Variants in STIMATE observed in about 807,000 individuals in gnomAD.
STIMATE encodes the protein store-operated calcium entry regulator STIMATE.
STIMATE carries 15 observed loss-of-function variants against 36.7 expected under a neutral mutation model. The ratio of observed to expected loss-of-function variants is 0.41; its 90% CI spans 0.27 to 0.63. The LOEUF (loss-of-function observed/expected upper bound fraction) is 0.63, where lower values mean the gene tolerates loss of function less well. Ranked by LOEUF, STIMATE falls within the 20% of genes least tolerant of loss-of-function variation. The pLI, the probability that STIMATE is intolerant of heterozygous loss-of-function variation, is 0.32. For synonymous variants in STIMATE, 163 were observed against 162.3 expected (o/e 1.00, Z -0.03); for missense variants, 305 against 397.3 (o/e 0.77, Z 1.98).
intron 1 of STIMATE, among the ~76,000 whole-genome samples, chr3:52,877,314 G>C (rs1575344492): frequency 6.6e-6 from 1 of 152,356 alleles, no homozygotes. Flanking sequence ...CTCCAGGCTT[G>C]TGCTCTTGGG....
chr3:52,887,696 C>G (rs1456763073), intron 1 of STIMATE, among the ~76,000 whole-genome samples: 2 of 152,142 alleles, frequency 1.3e-5, no homozygotes, highest in African/African-American at 4.8e-5. Flanking sequence ...CAAACTTCAT[C>G]CGTCACCACA....
chr3:52,845,066 GC>G (rs1167036393), intron 4 of STIMATE, 125 bp from the exon 5 acceptor site: 27 of 863,334 alleles, frequency 3.1e-5, no homozygotes, highest in East Asian at 8.5e-5. Flanking sequence ...TACTTAATGA[GC>G]CCCCCCAAAA....
chr3:52,861,571 C>T (rs545609195), intron 1 of STIMATE, among the ~76,000 whole-genome samples: 28 of 152,292 alleles, frequency 1.8e-4, no homozygotes, highest in Non-Finnish European at 1.0e-4. Flanking sequence ...GCTGCTATGA[C>T]CGGCTAGGCA....
chr3:52,869,340 A>G (rs1701363765), intron 1 of STIMATE, among the ~76,000 whole-genome samples: 1 of 152,216 alleles, frequency 6.6e-6, no homozygotes, highest in Non-Finnish European at 1.5e-5. Context: ...ACATCAGAGG[A>G]CATAATACAG....
At chr3:52,877,211 G>T (rs1225782075) in intron 1 of STIMATE, among the ~76,000 whole-genome samples, 1 of 152,218 alleles carries the variant, frequency 6.6e-6, no homozygotes, top group Non-Finnish European at 1.5e-5. Flanking sequence ...CCAGCCTGAA[G>T]CTGGGAGAGG....
At chr3:52,865,379 A>C (rs1210437882) in intron 1 of STIMATE, among the ~76,000 whole-genome samples, 1 of 152,206 alleles carries the variant, frequency 6.6e-6, no homozygotes, top group Non-Finnish European at 1.5e-5. Context: ...CTTTTCAGCA[A>C]TGCCCCACTC....
chr3:52,842,724 G>A lies in STIMATE; in HGVS notation c.768+87C>T, dbSNP rs995331317. ...TCGCACTGTGACTCTGCACTCAAGG[G>A]AAGAACATACACAGACATGAGACCA... On this transcript the variant is annotated intron_variant, in intron 7 of 7. Transcript: ENST00000355083. 34 of 1,584,836 alleles carry A rather than the reference G, an allele frequency of 2.1e-5. No homozygotes were observed. In the African/African-American group the frequency reaches 3.9e-4, roughly 18 times the overall value.
At chr3:52,867,221 T>A (rs1701326818) in intron 1 of STIMATE, among the ~76,000 whole-genome samples, 1 of 152,182 alleles carries the variant, frequency 6.6e-6, no homozygotes, top group African/African-American at 2.4e-5. Flanking sequence ...CAGTTAAATA[T>A]TTGTATTGTT....
At chr3:52,870,259 C>CT (rs988967070) in intron 1 of STIMATE, among the ~76,000 whole-genome samples, 8 of 152,084 alleles carry the variant, frequency 5.3e-5, no homozygotes, top group Admixed American at 4.6e-4. Context: ...CACCTGGCCT[C>CT]TTTTTTTCTT....
At chr3:52,878,678 C>T (rs975249700) in intron 1 of STIMATE, among the ~76,000 whole-genome samples, 1 of 152,156 alleles carries the variant, frequency 6.6e-6, no homozygotes, top group Non-Finnish European at 1.5e-5. Context: ...CTGATAGCAT[C>T]GAACAGAAAC....
At chr3:52,895,109 G>T (rs760702930) in intron 1 of STIMATE, among the ~76,000 whole-genome samples, 3 of 152,214 alleles carry the variant, frequency 2.0e-5, no homozygotes, top group South Asian at 2.1e-4. Context: ...CAAATGGCTC[G>T]CAGATGTACT....
chr3:52,855,420 T>C lies in STIMATE; in HGVS notation c.185A>G (p.His62Arg). ...CCATATCCTCCACGGACGTCTTTCATGCTTTGGTTCTCTGAAGCGTTTGAC... is the reference window on the plus strand; with the variant it reads ...CCATATCCTCCACGGACGTCTTTCACGCTTTGGTTCTCTGAAGCGTTTGAC... ...LMLKRFREPK[H>R]ERRPWRIWFL... Residue 62 changes from histidine (H) to arginine (R), a missense_variant, in exon 2 of 8, where the codon CAT (histidine) becomes CGT (arginine). Around this residue, in one of 3 missense-constraint regions of STIMATE, gnomAD observed 164 missense variants for 257.9 expected, o/e 0.64. Transcript: ENST00000355083. 1 of 1,608,676 alleles carries C rather than the reference T, an allele frequency of 6.2e-7. No individual in the cohort carries two copies. The highest frequency in any genetic ancestry group is 1.3e-5 in the African/African-American group (1 of 74,682).
intron 1 of STIMATE, among the ~76,000 whole-genome samples, chr3:52,876,347 TG>T (rs1428285379): frequency 6.6e-6 from 1 of 152,172 alleles, no homozygotes; most frequent in African/African-American, 2.4e-5. Flanking sequence ...CCTGGTCCCT[TG>T]ATACAAAACG....
At chr3:52,858,290 T>C (rs1701144033) in intron 1 of STIMATE, among the ~76,000 whole-genome samples, 2 of 152,140 alleles carry the variant, frequency 1.3e-5, no homozygotes, top group South Asian at 2.1e-4. Context: ...TTTTTTGAAA[T>C]AAAAAGTTTG....
intron 1 of STIMATE, among the ~76,000 whole-genome samples, chr3:52,858,181 G>A (rs955577187): frequency 1.3e-5 from 2 of 152,192 alleles, no homozygotes; most frequent in African/African-American, 4.8e-5. Context: ...GGCAGCCTGA[G>A]CAAACGAAAA....
chr3:52,886,543 T>C (rs986009739), intron 1 of STIMATE, among the ~76,000 whole-genome samples: 1 of 152,238 alleles, frequency 6.6e-6, no homozygotes, highest in Non-Finnish European at 1.5e-5. Context: ...ATGAGTACTC[T>C]ACACATGTGA....
intron 1 of STIMATE, among the ~76,000 whole-genome samples, chr3:52,877,155 A>G (rs1393323969): frequency 6.6e-6 from 1 of 152,228 alleles, no homozygotes; most frequent in Non-Finnish European, 1.5e-5. Flanking sequence ...ATCACTCTTT[A>G]ACACAGCTCA....
chr3:52,891,385 A>G (rs1290686675), intron 1 of STIMATE, among the ~76,000 whole-genome samples: 8 of 152,176 alleles, frequency 5.3e-5, no homozygotes, highest in Non-Finnish European at 8.8e-5. Flanking sequence ...CTCAGTGAAG[A>G]GTAGGCTGCA....
rs1418232273 is a variant in STIMATE at position 52,839,141 on chromosome 3, A to G, written c.*1353T>C. Reference sequence around the variant, plus strand: ...AGTGACCATTCCCCAGGGAGGGGACACGGCCTAGAAGCACCTTGCCCTGCC... The same window carrying G: ...AGTGACCATTCCCCAGGGAGGGGACGCGGCCTAGAAGCACCTTGCCCTGCC... On this transcript the variant is annotated 3_prime_UTR_variant, in exon 8 of 8. Coordinates refer to ENST00000355083, the MANE Select transcript of STIMATE (RefSeq NM_198563.5). The G allele has an allele frequency of 6.6e-6, 1 of 152,272 alleles. No homozygotes were observed. The highest frequency in any genetic ancestry group is 1.5e-5 in the Non-Finnish European group (1 of 68,064). 9.4% of individuals were successfully genotyped at this position (152,272 alleles called of 1,614,324 possible). A position where few individuals can be genotyped will look rare whatever the true frequency, so the allele number is the denominator to read the frequency against.
Sources: gnomAD v4.1 joint callset for allele counts (sites outside exome capture counted in the v4.1 genomes callset) on GRCh38, gnomAD v4.1.1 for gene constraint, gnomAD v4.1.1 regional missense constraint, MANE v1.5 for transcripts, NCBI Gene and HGNC (gene_info 2026-07-23, HGNC 2026-07-21) for gene names.